EHBP1: variants seen among roughly 807,000 people sequenced by gnomAD.
EHBP1 encodes the protein EH domain binding protein 1, also known as EH domain-binding protein 1.
EHBP1 carries 55 observed loss-of-function variants against 144.0 expected under a neutral mutation model. That is an observed-to-expected ratio of 0.38 (90% CI 0.31 to 0.48). EHBP1 has a LOEUF of 0.48. EHBP1 is among the 20% of genes least tolerant of loss of function. EHBP1 has a pLI of 0.98. For synonymous variants in EHBP1, 469 were observed against 472.7 expected (o/e 0.99, Z 0.10); for missense variants, 1,200 against 1,364.2 (o/e 0.88, Z 1.90).
intron 13 of EHBP1, among the ~76,000 whole-genome samples, chr2:62,951,520 CT>C (rs869188893): frequency 0.023 from 1,906 of 83,274 alleles, 32 homozygotes; most frequent in African/African-American, 0.08. Context: ...ACAAATTTTT[CT>C]TTTTTTTTTT....
At chr2:62,967,901 G>T (rs1466497193) in intron 14 of EHBP1, among the ~76,000 whole-genome samples, 1 of 151,626 alleles carries the variant, frequency 6.6e-6, no homozygotes, top group Non-Finnish European at 1.5e-5. Context: ...CAAATGTCAA[G>T]TTTACGCAGG....
chr2:62,811,721 G>T (rs1370467685), intron 5 of EHBP1, among the ~76,000 whole-genome samples: 1 of 152,142 alleles, frequency 6.6e-6, no homozygotes, highest in African/African-American at 2.4e-5. Context: ...TGACAAGTTG[G>T]ATTAAAAAAC....
rs2036091514 is a variant in EHBP1, at chr2:62,720,207, G to A, written c.104+12912G>A. ...TTTCTTTTGGCTTGGGGGTGAGGGA[G>A]TCTGAAAAAAATTACACATTAAGGG... On this transcript the variant is annotated intron_variant, in intron 2 of 22. Coordinates refer to ENST00000431489, the MANE Select transcript of EHBP1 (RefSeq NM_001142616.3). Among the ~76,000 whole-genome samples, 2 of 152,102 alleles carry A rather than the reference G, an allele frequency of 1.3e-5. 1 individual carries two copies. The highest frequency in any genetic ancestry group is 4.8e-5 in the African/African-American group (2 of 41,414).
intron 16 of EHBP1, among the ~76,000 whole-genome samples, chr2:62,992,685 A>G (rs910358458): frequency 1.4e-4 from 22 of 152,208 alleles, no homozygotes; most frequent in African/African-American, 5.3e-4. Flanking sequence ...TCCCCTGAGG[A>G]TTCTGTATCC....
intron 21 of EHBP1, among the ~76,000 whole-genome samples, chr2:63,040,443 C>A (rs542785487): frequency 1.3e-5 from 2 of 152,202 alleles, no homozygotes; most frequent in Admixed American, 1.3e-4. Flanking sequence ...CCTCAGCAGT[C>A]CTATCCCTAT....
chr2:63,017,387 A>G (rs534555989), intron 19 of EHBP1, among the ~76,000 whole-genome samples: 22 of 152,344 alleles, frequency 1.4e-4, no homozygotes, highest in African/African-American at 4.8e-4. Context: ...CTTATACTGA[A>G]TGTAGAACCT....
intron 5 of EHBP1, among the ~76,000 whole-genome samples, chr2:62,820,354 TGTG>T (rs1477266722): frequency 6.6e-6 from 1 of 152,088 alleles, no homozygotes; most frequent in Non-Finnish European, 1.5e-5. Flanking sequence ...ACTTTTTAGT[TGTG>T]GTAACTATAT....
intron 14 of EHBP1, among the ~76,000 whole-genome samples, chr2:62,957,291 T>C (rs2057751317): frequency 6.6e-6 from 1 of 152,148 alleles, no homozygotes; most frequent in African/African-American, 2.4e-5. Flanking sequence ...CCATTCATGA[T>C]CCACAGAGAG....
chr2:62,975,887 TACACAC>T (rs57375651), intron 14 of EHBP1, among the ~76,000 whole-genome samples: 23,131 of 123,550 alleles, frequency 0.19, 2,115 homozygotes, highest in Middle Eastern at 0.33. Context: ...TTACTGTATG[TACACAC>T]ACACACACAC....
intron 1 of EHBP1, among the ~76,000 whole-genome samples, chr2:62,683,658 C>CAAAAAAAAAAAAA (rs397936534): frequency 2.0e-5 from 1 of 50,142 alleles, no homozygotes; most frequent in Non-Finnish European, 3.5e-5. Context: ...GACTCCATCT[C>CAAAAAAAAAAAAA]AAAAAAAAAA....
intron 1 of EHBP1, among the ~76,000 whole-genome samples, chr2:62,691,425 G>C (rs2033901230): frequency 6.6e-6 from 1 of 152,198 alleles, no homozygotes. Flanking sequence ...AGACTTTCTA[G>C]AAGTTATACA....
At chr2:62,932,274 A>G (rs965774554) in intron 10 of EHBP1, among the ~76,000 whole-genome samples, 2 of 152,088 alleles carry the variant, frequency 1.3e-5, no homozygotes, top group Non-Finnish European at 2.9e-5. Flanking sequence ...TTGCACACCC[A>G]TGTTCATAGC....
chr2:62,987,115 A>G (rs2153220014), intron 15 of EHBP1, among the ~76,000 whole-genome samples: 1 of 152,290 alleles, frequency 6.6e-6, no homozygotes, highest in East Asian at 1.9e-4. Context: ...TGCAACTAAA[A>G]TTGCTGCTGT....
intron 1 of EHBP1, among the ~76,000 whole-genome samples, chr2:62,691,321 C>T (rs2033896798): frequency 6.6e-6 from 1 of 152,142 alleles, no homozygotes; most frequent in Admixed American, 6.5e-5. Flanking sequence ...TTTGCCATCC[C>T]TTATCCTCAT....
chr2:62,776,065 G>A (rs1173831757), intron 5 of EHBP1, among the ~76,000 whole-genome samples: 1 of 152,106 alleles, frequency 6.6e-6, no homozygotes, highest in Non-Finnish European at 1.5e-5. Flanking sequence ...AAGTTATTTG[G>A]GTTAATTATT....
At chr2:62,861,697 G>A (rs1429110713) in intron 8 of EHBP1, among the ~76,000 whole-genome samples, 3 of 151,238 alleles carry the variant, frequency 2.0e-5, no homozygotes, top group East Asian at 2.0e-4. Context: ...AGCCAAGATC[G>A]TGCCACTGCA....
rs2034511624 is a variant in EHBP1 at position 62,705,951 on chromosome 2, A to T, written c.-397A>T. The T allele has an allele frequency of 6.1e-6, 1 of 164,402 alleles. No homozygotes were observed. The highest frequency in any genetic ancestry group is 1.9e-4 in the East Asian group (1 of 5,370). The allele number at this position is 164,402 out of a possible 1,614,324, so 10.2% of individuals were successfully genotyped here. ...GCTGTTCCATGTGGCTCCGGCGGGG[A>T]TGGAGGACTCGGTGGCGGCGGCGGC... On this transcript the variant is annotated 5_prime_UTR_variant, in exon 1 of 23. It removes an upstream start codon present in the reference 5' UTR. Coordinates refer to ENST00000431489, the MANE Select transcript of EHBP1 (RefSeq NM_001142616.3).
chr2:62,977,062 T>G (rs773038802), intron 14 of EHBP1, among the ~76,000 whole-genome samples: 1 of 152,078 alleles, frequency 6.6e-6, no homozygotes, highest in Non-Finnish European at 1.5e-5. Context: ...TGGACTCTTA[T>G]AAGAGCCTCC....
chr2:62,830,153 G>GACAAACAC (rs2046705779), intron 6 of EHBP1, among the ~76,000 whole-genome samples: 1 of 132,136 alleles, frequency 7.6e-6, no homozygotes, highest in Admixed American at 8.0e-5. Flanking sequence ...TATATATATA[G>GACAAACAC]ACACACACAC....
Sources: gnomAD v4.1 joint callset for allele counts (sites outside exome capture counted in the v4.1 genomes callset) on GRCh38, gnomAD v4.1.1 for gene constraint, MANE v1.5 for transcripts, NCBI Gene and HGNC (gene_info 2026-07-23, HGNC 2026-07-21) for gene names.